TRIM16: variants seen among roughly 807,000 people sequenced by gnomAD.
The protein encoded by TRIM16 is tripartite motif containing 16, also known as tripartite motif-containing protein 16.
Under a neutral mutation model 50.4 loss-of-function variants are expected in TRIM16, and 33 were observed. The observed-to-expected ratio is 0.65, with a 90% CI of 0.50 to 0.88. The LOEUF is 0.88. Ranked by LOEUF, TRIM16 falls within the 40% of genes least tolerant of loss-of-function variation. TRIM16 has a pLI of 0.00. For synonymous variants in TRIM16, 229 were observed against 270.7 expected (o/e 0.85, Z 1.51); for missense variants, 581 against 686.8 (o/e 0.85, Z 1.72).
chr17:15,674,364 G>A (rs1379314620), intron 6 of TRIM16, among the ~76,000 whole-genome samples: 8 of 150,160 alleles, frequency 5.3e-5, no homozygotes, highest in Admixed American at 1.3e-4. Flanking sequence ...GCAAGACTCC[G>A]TCTCAAAAAA....
chr17:15,639,959 A>C (rs1236028398), intron 8 of TRIM16, among the ~76,000 whole-genome samples: 1 of 149,308 alleles, frequency 6.7e-6, no homozygotes, highest in Non-Finnish European at 1.5e-5. Flanking sequence ...AACAATAATC[A>C]TAAAAACAAC....
chr17:15,676,751 CTT>C (rs1397560146), intron 6 of TRIM16, among the ~76,000 whole-genome samples: 1 of 150,712 alleles, frequency 6.6e-6, no homozygotes, highest in East Asian at 2.0e-4. Flanking sequence ...TGAGAATTTT[CTT>C]TGTTACTCCC....
chr17:15,632,884 T>TA (rs991320797), intron 9 of TRIM16: 66 of 575,146 alleles, frequency 1.1e-4, no homozygotes, highest in South Asian at 1.9e-4. Flanking sequence ...AGTGGGATTT[T>TA]AAAAAAAACA....
rs781620349 is a variant in TRIM16, at chr17:15,651,321, T to C, written c.289A>G (p.Met97Val). The C allele has an allele frequency of 6.8e-6, 11 of 1,614,158 alleles. No individual in the cohort carries two copies. Among genetic ancestry groups the C allele is most frequent in the African/African-American group, 6.7e-5 (5 of 74,958 alleles). ...AAGTGCTCTTCACAGTAATTCACCA[T>C]GCAGGTTAGACAGGACTTCACTGCC... ...VKAVKSCLTC[M>V]VNYCEEHLQP... The change falls in exon 7 of 12, where the codon ATG becomes GTG. Residue 97 changes from methionine to valine, a missense_variant. This residue lies in a region of TRIM16 where 450 missense variants were observed against 544.3 expected (regional missense o/e 0.83). Transcript: ENST00000649191.
chr17:15,635,969 G>T, intron 9 of TRIM16, 67 bp downstream of exon 9: 2 of 1,550,446 alleles, frequency 1.3e-6, no homozygotes, highest in South Asian at 2.3e-5. Context: ...GATGGCCATG[G>T]GCCTAGCAAA....
intron 7 of TRIM16, among the ~76,000 whole-genome samples, chr17:15,650,514 C>A (rs575487108): frequency 6.6e-6 from 1 of 152,276 alleles, no homozygotes; most frequent in Non-Finnish European, 1.5e-5. Context: ...CCCTAAGCCA[C>A]CTGTGACATT....
At chr17:15,666,835 T>C (rs956615892) in intron 6 of TRIM16, among the ~76,000 whole-genome samples, 1 of 152,258 alleles carries the variant, frequency 6.6e-6, no homozygotes, top group African/African-American at 2.4e-5. Context: ...TTTGGGTTTG[T>C]TCTACATTTG....
chr17:15,666,752 T>C (rs1329003739), intron 6 of TRIM16, among the ~76,000 whole-genome samples: 1 of 152,238 alleles, frequency 6.6e-6, no homozygotes, highest in African/African-American at 2.4e-5. Flanking sequence ...TAGCCTGTTG[T>C]TTTCACTGCT....
intron 6 of TRIM16, among the ~76,000 whole-genome samples, chr17:15,652,625 T>A (rs1240111598): frequency 6.6e-6 from 1 of 151,710 alleles, no homozygotes; most frequent in Non-Finnish European, 1.5e-5. Context: ...CACGCCTGGC[T>A]CATTTTTGTA....
chr17:15,659,444 A>G (rs769163821), intron 6 of TRIM16, among the ~76,000 whole-genome samples: 1 of 152,122 alleles, frequency 6.6e-6, no homozygotes, highest in Non-Finnish European at 1.5e-5. Context: ...GAGCTCAAGA[A>G]TTTGACCACA....
At chr17:15,630,219 C>A (rs182623396) in intron 11 of TRIM16, among the ~76,000 whole-genome samples, 1,762 of 152,146 alleles carry the variant, frequency 0.012, 16 homozygotes, top group Non-Finnish European at 0.018. Flanking sequence ...GATGTGATCA[C>A]GCCCTACTCT....
rs1170528587 is a variant in TRIM16, at chr17:15,677,701, C to T, written c.-569G>A. ...CCACATCCTTGAATGACATAAAGCCCTGAAACACCTGCATGGGGTTCTGAA... is the reference window on the plus strand; with the variant it reads ...CCACATCCTTGAATGACATAAAGCCTTGAAACACCTGCATGGGGTTCTGAA... On this transcript the variant is annotated 5_prime_UTR_variant, in exon 5 of 12. Transcript: ENST00000649191. 1.0e-6 allele frequency: 1 copy of T among 1,003,638 alleles called. No individual in the cohort carries two copies. Among genetic ancestry groups the T allele is most frequent in the African/African-American group, 1.7e-5 (1 of 57,856 alleles). 62.2% of individuals were successfully genotyped at this position (1,003,638 alleles called of 1,614,324 possible). A position where few individuals can be genotyped will look rare whatever the true frequency, so the allele number is the denominator to read the frequency against.
intron 3 of TRIM16, 65 bp downstream of exon 3, chr17:15,682,789 T>G: frequency 3.0e-6 from 4 of 1,352,532 alleles, no homozygotes; most frequent in Non-Finnish European, 3.8e-6. Flanking sequence ...AGGTATCTTC[T>G]TTTTTCAGAG....
At chr17:15,676,134 A>G (rs142177012) in intron 6 of TRIM16, among the ~76,000 whole-genome samples, 1,839 of 152,192 alleles carry the variant, frequency 0.012, 40 homozygotes, top group African/African-American at 0.042. Flanking sequence ...TTTTAGACAG[A>G]CAAGTCTTTG....
Position 15,629,166 on chromosome 17 carries a change from CTG to C in TRIM16, c.1142_1143del (p.Thr381SerfsTer51), listed in dbSNP as rs1213880589. On this transcript the variant is annotated frameshift_variant, in exon 12 of 12. Transcript: ENST00000649191. LOFTEE classifies it high-confidence loss of function. ...YAYDITFDPD[T>X]AHKYLRLQEE... ...TCCTGCAGCCGGAGATACTTGTGTGCTGTGTCCGGGTCAAACGTGATGTCATA... is the reference window on the plus strand; with the variant it reads ...TCCTGCAGCCGGAGATACTTGTGTGCTGTCCGGGTCAAACGTGATGTCATA... The C allele has an allele frequency of 6.2e-7, 1 of 1,612,276 alleles. No homozygotes were observed. Among genetic ancestry groups the C allele is most frequent in the Non-Finnish European group, 8.5e-7 (1 of 1,178,962 alleles).
intron 8 of TRIM16, among the ~76,000 whole-genome samples, chr17:15,637,980 T>G (rs1986920835): frequency 1.4e-5 from 2 of 142,114 alleles, no homozygotes; most frequent in South Asian, 4.7e-4. Flanking sequence ...ACATGTGCTG[T>G]GTCCACTCAG....
At chr17:15,654,162 A>G (rs1247457078) in intron 6 of TRIM16, 2 of 152,226 alleles carry the variant, frequency 1.3e-5, no homozygotes, top group African/African-American at 4.8e-5. Context: ...ACTGACTAGT[A>G]CTTTTCAGAA....
chr17:15,668,518 T>G (rs1245297510), intron 6 of TRIM16, among the ~76,000 whole-genome samples: 1 of 152,206 alleles, frequency 6.6e-6, no homozygotes, highest in Admixed American at 6.5e-5. Context: ...TCTTGTATGA[T>G]CTGAGCCAAA....
rs762243811 is a variant in TRIM16, at chr17:15,636,138, G to C, written c.747C>G (p.Asn249Lys). 4.3e-6 allele frequency: 7 copies of C among 1,609,974 alleles called. No homozygotes were observed. The Admixed American group carries it at 1.2e-4, about 27-fold the overall frequency. Residue 249 changes from asparagine to lysine, a missense_variant, in exon 9 of 12, where the codon AAC (asparagine) becomes AAG (lysine). Asn to Lys is a moderately conservative substitution (Grantham distance 94). This residue lies in a region of TRIM16 where 450 missense variants were observed against 544.3 expected (regional missense o/e 0.83). Coordinates refer to ENST00000649191, the MANE Select transcript of TRIM16 (RefSeq NM_001348119.1). Reference sequence around the variant, plus strand: ...TGTACTCCAGGTGGGCCTTGATACCGTTGGCCTGGCTCAGCGCAGCTTGCT... The same window carrying C: ...TGTACTCCAGGTGGGCCTTGATACCCTTGGCCTGGCTCAGCGCAGCTTGCT... Reference protein sequence around the residue: ...EKEQAALSQANGIKAHLEYRS... With the variant: ...EKEQAALSQAKGIKAHLEYRS...
Sources: allele counts gnomAD v4.1 joint callset (sites outside exome capture counted in the v4.1 genomes callset), GRCh38; gene constraint gnomAD v4.1.1; regional missense constraint gnomAD v4.1.1; transcripts MANE v1.5; gene names NCBI Gene and HGNC (gene_info 2026-07-23, HGNC 2026-07-21).